VSTM4: variants seen among roughly 807,000 people sequenced by gnomAD.
VSTM4 encodes V-set and transmembrane domain containing 4.
A neutral mutation model predicts 36.4 loss-of-function variants in VSTM4; 20 were observed. The ratio of observed to expected loss-of-function variants is 0.55; its 90% CI spans 0.39 to 0.80. VSTM4 has a LOEUF of 0.80. Ranked by LOEUF, VSTM4 falls within the 30% of genes least tolerant of loss-of-function variation. The pLI is 0.00. For missense variants in VSTM4, 392 were observed against 404.5 expected (o/e 0.97, Z 0.26); for synonymous variants, 182 against 173.9 (o/e 1.05, Z -0.37).
chr10:49,040,944 G>C (rs1382140901), intron 7 of VSTM4, among the ~76,000 whole-genome samples: 1 of 152,110 alleles, frequency 6.6e-6, no homozygotes, highest in African/African-American at 2.4e-5. Flanking sequence ...ACAGAGATTG[G>C]GGCAACATGG....
intron 7 of VSTM4, among the ~76,000 whole-genome samples, chr10:49,035,336 A>T (rs908410494): frequency 3.9e-5 from 6 of 152,232 alleles, no homozygotes; most frequent in Non-Finnish European, 1.5e-5. Context: ...AGCAATGTGA[A>T]TGAATCAGTG....
At chr10:49,099,165 C>T (rs1296843078) in intron 2 of VSTM4, among the ~76,000 whole-genome samples, 1 of 152,208 alleles carries the variant, frequency 6.6e-6, no homozygotes, top group Non-Finnish European at 1.5e-5. Flanking sequence ...ACCTCCTTCT[C>T]AGGGGCTCCA....
intron 2 of VSTM4, among the ~76,000 whole-genome samples, chr10:49,094,235 G>A (rs1332719972): frequency 6.6e-6 from 1 of 152,176 alleles, no homozygotes; most frequent in Non-Finnish European, 1.5e-5. Context: ...CAGCACACCT[G>A]GCTGCAGAGG....
chr10:49,037,347 T>C (rs1843446871), intron 7 of VSTM4, among the ~76,000 whole-genome samples: 1 of 152,208 alleles, frequency 6.6e-6, no homozygotes, highest in East Asian at 1.9e-4. Flanking sequence ...CCTCGTTAAT[T>C]GCAGGTTCCA....
chr10:49,074,660 G>T (rs1452842627), intron 4 of VSTM4, among the ~76,000 whole-genome samples: 3 of 152,214 alleles, frequency 2.0e-5, no homozygotes, highest in Non-Finnish European at 4.4e-5. Flanking sequence ...GACCTGCCCT[G>T]CCAATGGGAG....
chr10:49,099,113 T>C (rs574757363), intron 2 of VSTM4, among the ~76,000 whole-genome samples: 1 of 152,298 alleles, frequency 6.6e-6, no homozygotes, highest in African/African-American at 2.4e-5. Context: ...GACTGTGTAG[T>C]CCCAGTTAGG....
intron 2 of VSTM4, among the ~76,000 whole-genome samples, chr10:49,104,944 GAC>G (rs1314723781): frequency 4.0e-5 from 6 of 150,426 alleles, no homozygotes; most frequent in African/African-American, 1.2e-4. Context: ...GTGAGAGAAA[GAC>G]ACAGAGGGAG....
intron 1 of VSTM4, among the ~76,000 whole-genome samples, chr10:49,114,560 T>A (rs1203872439): frequency 6.6e-6 from 1 of 150,618 alleles, no homozygotes; most frequent in Non-Finnish European, 1.5e-5. Flanking sequence ...CTTCAGAGGT[T>A]ATTGGTGAGA....
At position 49,112,096 on chromosome 10, in the gene VSTM4, C is replaced by G. The variant is rs193112147; in HGVS notation, c.55+3335G>C. Among the ~76,000 whole-genome samples, 301 of 152,296 alleles carry G rather than the reference C, an allele frequency of 2.0e-3. 4 individuals are homozygous for G. The highest frequency in any genetic ancestry group is 5.0e-3 in the East Asian group (26 of 5,184). The stretch of plus-strand genomic sequence containing the variant: ...TGGTGAACTGTACCCCACTGTGGCC[C>G]AACAGCCACCCTTGCCAACACATGA... On this transcript the variant is annotated intron_variant, in intron 1 of 7. Transcript: ENST00000332853.
At chr10:49,060,252 A>G (rs1182413336) in intron 5 of VSTM4, among the ~76,000 whole-genome samples, 1 of 152,244 alleles carries the variant, frequency 6.6e-6, no homozygotes, top group African/African-American at 2.4e-5. Context: ...GTCATAGGGT[A>G]ACTTAAAGGT....
intron 4 of VSTM4, among the ~76,000 whole-genome samples, chr10:49,069,579 C>A (rs1844036673): frequency 6.6e-6 from 1 of 152,198 alleles, no homozygotes; most frequent in South Asian, 2.1e-4. Flanking sequence ...GAGAAAGGAC[C>A]AGGGTGCACC....
rs572409687 is a variant in VSTM4, at chr10:49,098,555, C to T, written c.457+9039G>A. Among the ~76,000 whole-genome samples, 72 of 152,348 alleles carry T rather than the reference C, an allele frequency of 4.7e-4. 1 individual carries two copies. The highest frequency in any genetic ancestry group is 1.6e-3 in the African/African-American group (68 of 41,576). ...ATCTGATTCCCCCCAGATCCATGCT[C>T]CAGGGAGCCAACATTCAAAAGGCTT... is the stretch of plus-strand genomic sequence containing the variant. On this transcript the variant is annotated intron_variant, in intron 2 of 7. Coordinates refer to ENST00000332853, the MANE Select transcript of VSTM4 (RefSeq NM_001031746.5).
At chr10:49,062,973 GA>G (rs776039564) in intron 5 of VSTM4, among the ~76,000 whole-genome samples, 17 of 149,782 alleles carry the variant, frequency 1.1e-4, no homozygotes, top group East Asian at 3.9e-4. Context: ...TATTGGCTGA[GA>G]TTTTTTTATT....
intron 2 of VSTM4, among the ~76,000 whole-genome samples, chr10:49,094,537 C>T (rs529066032): frequency 2.0e-5 from 3 of 152,246 alleles, no homozygotes; most frequent in African/African-American, 4.8e-5. Flanking sequence ...GCATCTTACA[C>T]AGGTTTTAAT....
intron 2 of VSTM4, among the ~76,000 whole-genome samples, chr10:49,107,120 C>A (rs911673680): frequency 3.3e-5 from 5 of 152,210 alleles, no homozygotes; most frequent in Non-Finnish European, 7.3e-5. Context: ...TCTACTGAGT[C>A]CCCACTCACC....
chr10:49,044,090 C>A (rs555514902), intron 7 of VSTM4, among the ~76,000 whole-genome samples: 1 of 152,200 alleles, frequency 6.6e-6, no homozygotes, highest in Admixed American at 6.6e-5. Context: ...CACTTTTGGA[C>A]GCCGAGGTGG....
intron 2 of VSTM4, among the ~76,000 whole-genome samples, chr10:49,105,486 T>G: frequency 3.4e-5 from 5 of 145,650 alleles, no homozygotes; most frequent in East Asian, 2.0e-4. Context: ...GAAGGGGAGC[T>G]GAGGAGGGGA....
In VSTM4 at chr10:49,018,040, T is replaced by G. The variant is rs1843128313; in HGVS notation, c.*1610A>C. The G allele has an allele frequency of 6.6e-6, 1 of 152,230 alleles. No individual in the cohort carries two copies. The highest frequency in any genetic ancestry group is 1.5e-5 in the Non-Finnish European group (1 of 68,038). The allele number at this position is 152,230 out of a possible 1,614,324, so 9.4% of individuals were successfully genotyped here. A position where few individuals can be genotyped will look rare whatever the true frequency, so the allele number is the denominator to read the frequency against. Reference sequence around the variant, plus strand: ...TTATCCAGAGAGGGTGAACTTCCACTTTGTAAAGGCAGACCAGTTTGCTCC... The same window carrying G: ...TTATCCAGAGAGGGTGAACTTCCACGTTGTAAAGGCAGACCAGTTTGCTCC... On this transcript the variant is annotated 3_prime_UTR_variant, in exon 8 of 8. Transcript: ENST00000332853.
intron 5 of VSTM4, among the ~76,000 whole-genome samples, chr10:49,051,945 A>AT (rs1294904290): frequency 2.0e-5 from 1 of 50,072 alleles, no homozygotes; most frequent in South Asian, 4.8e-4. Context: ...CTTAATCTAA[A>AT]TTTTTCATAT....
Sources: allele counts gnomAD v4.1 joint callset (sites outside exome capture counted in the v4.1 genomes callset), GRCh38; gene constraint gnomAD v4.1.1; transcripts MANE v1.5; gene names NCBI Gene and HGNC (gene_info 2026-07-23, HGNC 2026-07-21).